The following CCDC7 variants were observed in gnomAD, a reference collection of about 807,000 sequenced individuals.
CCDC7 encodes the protein coiled-coil domain-containing protein 7.
CCDC7 carries 183 observed loss-of-function variants against 196.9 expected under a neutral mutation model. The observed-to-expected ratio is 0.93, with a 90% CI of 0.82 to 1.05. The LOEUF (loss-of-function observed/expected upper bound fraction) is 1.05. CCDC7 is among the 50% of genes least tolerant of loss of function. CCDC7 has a pLI of 0.00. For synonymous variants in CCDC7, 525 were observed against 484.6 expected (o/e 1.08, Z -1.10); for missense variants, 1,540 against 1,482.2 (o/e 1.04, Z -0.64).
downstream of CCDC7, among the ~76,000 whole-genome samples, chr10:32,879,699 C>T (rs2094718838): frequency 2.0e-5 from 3 of 149,170 alleles, no homozygotes; most frequent in South Asian, 2.2e-4. Context: ...TTTCCTGATG[C>T]TCTCCCTCCC....
intron 20 of CCDC7, among the ~76,000 whole-genome samples, chr10:32,663,699 G>C (rs755062176): frequency 2.6e-5 from 4 of 151,902 alleles, no homozygotes; most frequent in Non-Finnish European, 5.9e-5. Flanking sequence ...ACATTTAAGT[G>C]ATTTTGAGTA....
chr10:32,630,542 GAGAC>G (rs1042051057), intron 18 of CCDC7, among the ~76,000 whole-genome samples: 1 of 151,930 alleles, frequency 6.6e-6, no homozygotes, highest in Non-Finnish European at 1.5e-5. Flanking sequence ...TAGAGCTAAA[GAGAC>G]AGACAGACCC....
chr10:32,760,088 GC>G, intron 28 of CCDC7, among the ~76,000 whole-genome samples: 1 of 147,928 alleles, frequency 6.8e-6, no homozygotes, highest in Non-Finnish European at 1.5e-5. Flanking sequence ...TAAAAAGTCA[GC>G]AAACAACAGG....
chr10:32,524,393 T>C (rs1368159815), intron 11 of CCDC7, among the ~76,000 whole-genome samples: 1 of 152,226 alleles, frequency 6.6e-6, no homozygotes, highest in Non-Finnish European at 1.5e-5. Flanking sequence ...TCTTTTTATT[T>C]AAGTCAAGAG....
At chr10:32,722,301 G>A (rs10763893) in intron 25 of CCDC7, among the ~76,000 whole-genome samples, 41,164 of 151,986 alleles carry the variant, frequency 0.27, 7,079 homozygotes, top group Non-Finnish European at 0.38. Context: ...GTAGTTGGGG[G>A]CCATAACAAT....
intron 5 of CCDC7, among the ~76,000 whole-genome samples, chr10:32,464,266 C>T (rs962693979): frequency 6.6e-6 from 1 of 152,002 alleles, no homozygotes; most frequent in Non-Finnish European, 1.5e-5. Context: ...TCTGTTTTTC[C>T]AATTATTACT....
chr10:32,474,186 GA>G (rs1457071733), intron 8 of CCDC7, 163 bp downstream of exon 9: 1 of 258,436 alleles, frequency 3.9e-6, no homozygotes, highest in African/African-American at 2.4e-5. Context: ...CTTAGTTAAG[GA>G]TACGTGTTAC....
At chr10:32,734,049 A>AC (rs2084432715) in intron 28 of CCDC7, among the ~76,000 whole-genome samples, 1 of 152,206 alleles carries the variant, frequency 6.6e-6, no homozygotes, top group South Asian at 2.1e-4. Flanking sequence ...AAGCAGAACT[A>AC]CCATTCAACA....
intron 41 of CCDC7, among the ~76,000 whole-genome samples, chr10:32,869,362 GTCT>G (rs1265169357): frequency 1.3e-5 from 2 of 152,086 alleles, no homozygotes; most frequent in Non-Finnish European, 2.9e-5. Flanking sequence ...CTGCATAAAT[GTCT>G]TCTTTTGAGA....
chr10:32,564,963 C>A (rs535463014), intron 13 of CCDC7, among the ~76,000 whole-genome samples: 1 of 152,058 alleles, frequency 6.6e-6, no homozygotes, highest in East Asian at 1.9e-4. Flanking sequence ...GGTAACAGAG[C>A]AAGACCCTGT....
At chr10:32,826,269 A>G (rs1037300205) in intron 32 of CCDC7, among the ~76,000 whole-genome samples, 5 of 152,244 alleles carry the variant, frequency 3.3e-5, no homozygotes, top group African/African-American at 1.2e-4. Flanking sequence ...TCTAATTTAT[A>G]TGAGCAGAAA....
At chr10:32,552,169 T>C (rs959475191) in intron 13 of CCDC7, among the ~76,000 whole-genome samples, 4 of 152,248 alleles carry the variant, frequency 2.6e-5, no homozygotes, top group Non-Finnish European at 5.9e-5. Context: ...TTTGTCTCCT[T>C]TGGCTGCTGT....
At chr10:32,681,216 G>A (rs1048617799) in intron 21 of CCDC7, among the ~76,000 whole-genome samples, 2 of 152,176 alleles carry the variant, frequency 1.3e-5, no homozygotes, top group Non-Finnish European at 2.9e-5. Context: ...CTAGTAATTT[G>A]TCAGTTAATA....
At chr10:32,460,955 C>T (rs970208614) in intron 3 of CCDC7, among the ~76,000 whole-genome samples, 8 of 152,090 alleles carry the variant, frequency 5.3e-5, no homozygotes, top group South Asian at 2.1e-4. Context: ...GTTAGTGTTG[C>T]GGAAGATAAA....
At chr10:32,588,259 GAC>G (rs1452659064) in intron 18 of CCDC7, among the ~76,000 whole-genome samples, 1 of 152,194 alleles carries the variant, frequency 6.6e-6, no homozygotes, top group Non-Finnish European at 1.5e-5. Flanking sequence ...ATAGAAAATG[GAC>G]TAAGGCAGGT....
At position 32,473,203 on chromosome 10, in the gene CCDC7, G is replaced by A. The variant is rs192026941; in HGVS notation, c.739+661G>A. Among the ~76,000 whole-genome samples the A allele has an allele frequency of 3.9e-5, 6 of 152,208 alleles. No individual in the cohort carries two copies. The East Asian group carries it at 1.2e-3, about 29-fold the overall frequency. On this transcript the variant is annotated intron_variant, in intron 7 of 41. Transcript: ENST00000639629. ...GATAAAGGTATGTGGAATTTGCATT[G>A]GGTCCACAGAAAGGAGCAATCTGTT... is the stretch of plus-strand genomic sequence containing the variant.
rs187546373 is a variant in CCDC7, at chr10:32,642,134, A to G, written c.2014+6976A>G. ...GAGGAGGCAGTCTGTCCGTTCTCAG[A>G]TCTCAAACTCCATGCTGGGAGAACC... On this transcript the variant is annotated intron_variant, in intron 20 of 41. Coordinates refer to ENST00000639629, the Ensembl canonical transcript of CCDC7. 2.0e-3 allele frequency among the ~76,000 whole-genome samples: 303 copies of G among 152,310 alleles called. 6 individuals carry two copies. In the East Asian group the frequency reaches 0.044, roughly 22 times the overall value.
intron 32 of CCDC7, among the ~76,000 whole-genome samples, chr10:32,825,952 CT>C (rs1464023447): frequency 1.3e-5 from 2 of 152,128 alleles, no homozygotes; most frequent in East Asian, 3.9e-4. Flanking sequence ...TCTGATGAAT[CT>C]TTTTTACCAG....
At chr10:32,794,597 T>C (rs2134745688) in intron 29 of CCDC7, among the ~76,000 whole-genome samples, 1 of 152,300 alleles carries the variant, frequency 6.6e-6, no homozygotes, top group Non-Finnish European at 1.5e-5. Flanking sequence ...CTGTTGTTTT[T>C]TTGACTTCTT....
Sources: gnomAD v4.1 joint callset for allele counts (sites outside exome capture counted in the v4.1 genomes callset) on GRCh38, gnomAD v4.1.1 for gene constraint, MANE v1.5 for transcripts, NCBI Gene and HGNC (gene_info 2026-07-23, HGNC 2026-07-21) for gene names.